MYH7B: variants seen among roughly 807,000 people sequenced by gnomAD.
MYH7B encodes the protein myosin-7B.
In MYH7B, 205 loss-of-function variants were observed where a neutral mutation model predicts 234.5. The observed-to-expected ratio is 0.87, with a 90% confidence interval of 0.78 to 0.98. The LOEUF (loss-of-function observed/expected upper bound fraction) is 0.98. Ranked by LOEUF, MYH7B falls within the 50% of genes least tolerant of loss-of-function variation. The pLI, the probability that MYH7B is intolerant of heterozygous loss-of-function variation, is 0.00. For missense variants in MYH7B, 2,652 were observed against 2,633.4 expected, an observed-to-expected ratio of 1.01 and a Z score of -0.15; for synonymous variants, 1,193 against 1,105.0, an observed-to-expected ratio of 1.08 and a Z score of -1.58.
At chr20:34,974,447 C>T (rs2081826856) in intron 2 of MYH7B, among the ~76,000 whole-genome samples, 1 of 152,028 alleles carries the variant, frequency 6.6e-6, no homozygotes, top group South Asian at 2.1e-4. Flanking sequence ...TTTGCGTTGT[C>T]ATGTTTGTTT....
chr20:34,999,136 C>T, exon 36 of MYH7B: 3 of 1,613,678 alleles, frequency 1.9e-6, no homozygotes, highest in Non-Finnish European at 2.5e-6. Flanking sequence ...TTGGAGAAGG[C>T]CAAGCTGCGG....
chr20:35,000,370 G>A (rs1358240612), exon 39 of MYH7B: 10 of 1,599,064 alleles, frequency 6.3e-6, no homozygotes, highest in East Asian at 4.5e-5. Flanking sequence ...GAGGCGCTGC[G>A]GCTCAAGAAG....
intron 17 of MYH7B, 36 bp downstream of exon 17, chr20:34,987,711 C>T (rs1293499728): frequency 1.2e-6 from 2 of 1,612,136 alleles, no homozygotes; most frequent in Non-Finnish European, 1.7e-6. Context: ...TGGGGGACAG[C>T]CGGGCAGGGT....
chr20:34,988,174 A>T (rs775086615), exon 19 of MYH7B: 21 of 1,614,050 alleles, frequency 1.3e-5, no homozygotes, highest in Non-Finnish European at 1.7e-5. Flanking sequence ...TTTGTGCTGG[A>T]GCAGGAGGAG....
chr20:34,986,786 G>T, intron 14 of MYH7B, 100 bp from the exon 15 acceptor site: 1 of 942,156 alleles, frequency 1.1e-6, no homozygotes, highest in Admixed American at 1.8e-5. Flanking sequence ...CTAGACTCCT[G>T]CTGGGCTTGC....
intron 32 of MYH7B, 38 bp downstream of exon 32, chr20:34,997,678 T>G: frequency 1.2e-6 from 2 of 1,608,776 alleles, no homozygotes; most frequent in Non-Finnish European, 8.5e-7. Flanking sequence ...CACCCTGACT[T>G]TAAACCAATC....
Position 34,994,131 on chromosome 20 carries a change from G to A in MYH7B, c.2445-15G>A. The stretch of plus-strand genomic sequence containing the variant: ...AGCACTGAGCCACCTTCACAGCTTG[G>A]CTGCCCCTCCCTAGGGATGCGCTGT... On this transcript the variant is annotated splice_polypyrimidine_tract_variant and intron_variant, in intron 26 of 44. Coordinates refer to ENST00000262873, the Ensembl canonical transcript of MYH7B. 1 of 1,606,844 alleles carries A rather than the reference G, an allele frequency of 6.2e-7. No homozygotes were observed. Among genetic ancestry groups the A allele is most frequent in the East Asian group, 2.2e-5 (1 of 44,664 alleles).
In MYH7B at chr20:34,998,902, C is replaced by A. The variant is rs1192095899; in HGVS notation, c.4177C>A (p.Leu1393Met). ...AGATGCCATCCAGAGGACCGAGGAG[C>A]TGGAGGAGGCCAAGTGAGTGCTTTG... Residue 1393 changes from leucine (L) to methionine (M), a missense_variant, in exon 35 of 45, where the codon CTG (leucine) becomes ATG (methionine). Leu to Met is a conservative substitution (Grantham distance 15). This residue lies in a region of MYH7B where 2,279 missense variants were observed against 2,211.4 expected (regional missense o/e 1.03). Coordinates refer to ENST00000262873, the Ensembl canonical transcript of MYH7B. The A allele has an allele frequency of 1.9e-5, 31 of 1,612,086 alleles. No homozygotes were observed. Among genetic ancestry groups the A allele is most frequent in the Non-Finnish European group, 2.5e-5 (30 of 1,179,370 alleles).
intron 32 of MYH7B, 121 bp downstream of exon 32, chr20:34,997,761 A>T: frequency 8.3e-7 from 1 of 1,201,236 alleles, no homozygotes. Flanking sequence ...TGACCTCTTC[A>T]CCTGGTACAC....
chr20:34,989,699 ACT>A (rs1181795491), intron 19 of MYH7B, 39 bp from the exon 20 acceptor site: 13 of 1,591,432 alleles, frequency 8.2e-6, no homozygotes, highest in Non-Finnish European at 1.0e-5. Flanking sequence ...TCCAGGATGG[ACT>A]GGCTTGATGG....
At chr20:34,976,491 C>T (rs1189185749) in intron 3 of MYH7B, among the ~76,000 whole-genome samples, 1 of 152,172 alleles carries the variant, frequency 6.6e-6, no homozygotes, top group African/African-American at 2.4e-5. Flanking sequence ...GGGTGATGGA[C>T]AGGAGAGCCT....
At chr20:34,964,688 A>T (rs1391282486) in intron 2 of MYH7B, among the ~76,000 whole-genome samples, 2 of 152,160 alleles carry the variant, frequency 1.3e-5, no homozygotes, top group African/African-American at 4.8e-5. Flanking sequence ...GGAGGCCAAG[A>T]CAGGAGGATC....
chr20:34,960,202 G>T (rs970897877), intron 2 of MYH7B, among the ~76,000 whole-genome samples: 2 of 152,078 alleles, frequency 1.3e-5, no homozygotes, highest in Non-Finnish European at 2.9e-5. Context: ...TTCTCCCTGC[G>T]AGGGCCTCTC....
At chr20:34,995,999 G>A (rs1471374271) in intron 28 of MYH7B, among the ~76,000 whole-genome samples, 1 of 145,960 alleles carries the variant, frequency 6.9e-6, no homozygotes, top group Non-Finnish European at 1.5e-5. Flanking sequence ...AGGAGGGAAA[G>A]TGAGGCAGGG....
rs757623279 is a variant in MYH7B at position 34,988,165 on chromosome 20, T to C, written c.1490T>C (p.Phe497Ser). 1.9e-6 allele frequency: 3 copies of C among 1,613,910 alleles called. 1 individual carries two copies. The highest frequency in any genetic ancestry group is 1.7e-6 in the Non-Finnish European group (2 of 1,179,922). Residue 497 changes from phenylalanine (F) to serine (S), a missense_variant, in exon 19 of 45, where the codon TTT becomes TCT. Coordinates refer to ENST00000262873, the Ensembl canonical transcript of MYH7B. ...CAGCAGTTCTTCAACCAGCACATGT[T>C]TGTGCTGGAGCAGGAGGAGTACAAG...
intron 24 of MYH7B, 43 bp from the exon 25 acceptor site, chr20:34,993,059 C>T (rs1014606268): frequency 6.3e-7 from 1 of 1,589,124 alleles, no homozygotes; most frequent in Non-Finnish European, 8.6e-7. Flanking sequence ...GCCTGTGCCC[C>T]ATACCCAGCC....
intron 38 of MYH7B, 126 bp downstream of exon 38, chr20:35,000,032 C>T: frequency 5.0e-6 from 5 of 996,320 alleles, no homozygotes; most frequent in Non-Finnish European, 7.5e-6. Flanking sequence ...TCCATTCTAG[C>T]TGTGAACCTC....
intron 9 of MYH7B, chr20:34,981,429 C>CT (rs1256078333): frequency 1.5e-5 from 4 of 261,212 alleles, no homozygotes; most frequent in African/African-American, 9.2e-5. Context: ...ATGTCTGAAT[C>CT]TTACCTCTGA....
intron 24 of MYH7B, 82 bp from the exon 25 acceptor site, chr20:34,993,020 C>T (rs960008328): frequency 3.7e-5 from 57 of 1,532,890 alleles, no homozygotes; most frequent in Non-Finnish European, 4.7e-5. Flanking sequence ...CACGAGCCTC[C>T]TCAGTCCCTG....
Sources: allele counts gnomAD v4.1 joint callset (sites outside exome capture counted in the v4.1 genomes callset), GRCh38; gene constraint gnomAD v4.1.1; regional missense constraint gnomAD v4.1.1; transcripts MANE v1.5; gene names NCBI Gene and HGNC (gene_info 2026-07-23, HGNC 2026-07-21).